Variants in PKD2L1 observed in about 807,000 individuals in gnomAD.
The protein encoded by PKD2L1 is polycystin-2-like protein 1.
Under a neutral mutation model 93.0 loss-of-function variants are expected in PKD2L1, and 77 were observed. That is an observed-to-expected ratio of 0.83 (90% CI 0.69 to 1.00). The LOEUF (loss-of-function observed/expected upper bound fraction) is 1.00. PKD2L1 is among the 50% of genes least tolerant of loss of function. PKD2L1 has a pLI of 0.00. For missense variants in PKD2L1, 977 were observed against 990.9 expected (o/e 0.99, Z 0.19); for synonymous variants, 390 against 388.0 (o/e 1.01, Z -0.06).
intron 9 of PKD2L1, among the ~76,000 whole-genome samples, chr10:100,294,222 G>A (rs1848468541): frequency 6.6e-6 from 1 of 152,130 alleles, no homozygotes; most frequent in African/African-American, 2.4e-5. Context: ...GAGTCTTGGA[G>A]GACGGTCGTA....
intron 2 of PKD2L1, among the ~76,000 whole-genome samples, chr10:100,320,897 G>A (rs1849212267): frequency 6.6e-6 from 1 of 152,108 alleles, no homozygotes; most frequent in Non-Finnish European, 1.5e-5. Flanking sequence ...TTTTGCCCTC[G>A]TGGTAATCTC....
At chr10:100,323,886 G>A (rs1288085049) in intron 2 of PKD2L1, among the ~76,000 whole-genome samples, 1 of 152,022 alleles carries the variant, frequency 6.6e-6, no homozygotes, top group Non-Finnish European at 1.5e-5. Flanking sequence ...GGAGGGCAGT[G>A]GCATGATCTC....
chr10:100,302,707 A>T (rs1848710786), intron 2 of PKD2L1, among the ~76,000 whole-genome samples: 1 of 148,054 alleles, frequency 6.8e-6, no homozygotes, highest in African/African-American at 2.5e-5. Flanking sequence ...AAAAAAAAAA[A>T]TTGTTCCAGG....
In PKD2L1 at chr10:100,291,298, C is replaced by G; in HGVS notation, c.2007+3G>C. On this transcript the variant is annotated splice_donor_region_variant and intron_variant, in intron 12 of 15. Transcript: ENST00000318222. ...TGCCTCTCCACCCATCAGCCCAGCT[C>G]ACCCTCTCTTCCTCCAGGTCCTGTC... is the stretch of plus-strand genomic sequence containing the variant. 1 of 1,613,268 alleles carries G rather than the reference C, an allele frequency of 6.2e-7. No homozygotes were observed. The highest frequency in any genetic ancestry group is 8.5e-7 in the Non-Finnish European group (1 of 1,179,462).
intron 2 of PKD2L1, among the ~76,000 whole-genome samples, chr10:100,313,206 A>G (rs1848972607): frequency 1.3e-5 from 2 of 152,180 alleles, no homozygotes; most frequent in Non-Finnish European, 2.9e-5. Flanking sequence ...CTAAAGCTAC[A>G]AAGAGTATAC....
rs146450363 is a variant in PKD2L1 at position 100,289,001 on chromosome 10, G to T, written c.2306C>A (p.Pro769His). The T allele has an allele frequency of 6.2e-7, 1 of 1,611,540 alleles. No individual in the cohort carries two copies. The highest frequency in any genetic ancestry group is 8.5e-7 in the Non-Finnish European group (1 of 1,178,378). ...PQPAPAVTPD[P>H]WGVQGGQESE... is the part of the protein sequence containing the mutation. Reference sequence around the variant, plus strand: ...CTCCTGCCCACCCTGGACTCCCCAGGGGTCTGGGGTCACAGCTGGGGCTGG... The same window carrying T: ...CTCCTGCCCACCCTGGACTCCCCAGTGGTCTGGGGTCACAGCTGGGGCTGG... Residue 769 changes from proline to histidine, a missense_variant, in exon 15 of 16, where the codon CCC (proline) becomes CAC (histidine). Transcript: ENST00000318222.
At chr10:100,308,197 CAAT>C (rs1376542604) in intron 2 of PKD2L1, among the ~76,000 whole-genome samples, 1 of 151,946 alleles carries the variant, frequency 6.6e-6, no homozygotes, top group African/African-American at 2.4e-5. Context: ...CACAATTGCT[CAAT>C]AATAACAACA....
Position 100,297,612 on chromosome 10 carries a change from A to G in PKD2L1, c.732-6T>C. On this transcript the variant is annotated splice_polypyrimidine_tract_variant and splice_region_variant and intron_variant, in intron 4 of 15. Coordinates refer to ENST00000318222, the MANE Select transcript of PKD2L1 (RefSeq NM_016112.3). ...CCTGCGAGTGGTATGTCCACCTGCC[A>G]CAGAAAATGCCAGCTGAGCCAGCCC... is the stretch of plus-strand genomic sequence containing the variant. 1 of 1,609,962 alleles carries G rather than the reference A, an allele frequency of 6.2e-7. No individual in the cohort carries two copies. Among genetic ancestry groups the G allele is most frequent in the East Asian group, 2.2e-5 (1 of 44,806 alleles).
Position 100,288,439 on chromosome 10 carries a change from C to G in PKD2L1, c.2375G>C (p.Arg792Thr), listed in dbSNP as rs1274453980. 1 of 1,613,046 alleles carries G rather than the reference C, an allele frequency of 6.2e-7. No individual in the cohort carries two copies. The highest frequency in any genetic ancestry group is 1.3e-5 in the African/African-American group (1 of 74,994). Residue 792 changes from arginine to threonine, a missense_variant, in exon 16 of 16, where the codon AGG becomes ACG. By Grantham distance (71) the Arg-to-Thr change is moderately conservative. Transcript: ENST00000318222. Reference protein sequence around the residue: ...YKREEEALEERRLSRGEIPTL... With the variant: ...YKREEEALEETRLSRGEIPTL... ...TGGAATCTCACCACGGGAGAGTCTC[C>G]TCTCCTCTAAGGCTTCCTCTTCTCT...
Position 100,293,282 on chromosome 10 carries a change from TG to T in PKD2L1, c.1756del (p.Gln586ArgfsTer8). ...DELQLSDLLK[Q>X]GYNKTLLRLR... is the part of the protein sequence containing the mutation. Reference sequence around the variant, plus strand: ...AGCTCAAGGAGATTGAGCAATCACCTGTTTCAGGAGGTCAGAAAGTTGCAGC... The same window carrying T: ...AGCTCAAGGAGATTGAGCAATCACCTTTTCAGGAGGTCAGAAAGTTGCAGC... On this transcript the variant is annotated frameshift_variant and splice_region_variant, in exon 10 of 16. Coordinates refer to ENST00000318222, the MANE Select transcript of PKD2L1 (RefSeq NM_016112.3). LOFTEE classifies it high-confidence loss of function. 6.2e-7 allele frequency: 1 copy of T among 1,605,968 alleles called. No individual in the cohort carries two copies. The highest frequency in any genetic ancestry group is 8.5e-7 in the Non-Finnish European group (1 of 1,172,518).
intron 6 of PKD2L1, 29 bp downstream of exon 6, chr10:100,296,951 G>T: frequency 6.7e-7 from 1 of 1,482,272 alleles, no homozygotes; most frequent in Non-Finnish European, 9.4e-7. Context: ...ACCCCAGAAT[G>T]TCCCAAGTCC....
rs1028280082 is a variant in PKD2L1, at chr10:100,330,145, C to T, written c.-42G>A. On this transcript the variant is annotated 5_prime_UTR_variant, in exon 1 of 16. Transcript: ENST00000318222. ...GGGCCCGGTACCCCAGGTGCCCACT[C>T]TCAGCTAGAGGAAGAGGGAGCAGAG... 1.5e-6 allele frequency: 2 copies of T among 1,305,134 alleles called. No individual in the cohort carries two copies. Among genetic ancestry groups the T allele is most frequent in the African/African-American group, 2.9e-5 (2 of 68,166 alleles). The allele number at this position is 1,305,134 out of a possible 1,614,324, so 80.8% of individuals were successfully genotyped here.
At chr10:100,311,274 G>A (rs1194506132) in intron 2 of PKD2L1, among the ~76,000 whole-genome samples, 1 of 152,046 alleles carries the variant, frequency 6.6e-6, no homozygotes, top group South Asian at 2.1e-4. Flanking sequence ...TCTGGTACAC[G>A]TTTTTTTCCT....
rs780842636 is a variant in PKD2L1, at chr10:100,329,309, G to A, written c.251C>T (p.Thr84Ile). The change falls in exon 2 of 16, where the codon ACC becomes ATC. Residue 84 changes from threonine to isoleucine, a missense_variant. By Grantham distance (89) the Thr-to-Ile change is moderately conservative (BLOSUM62 -1). Coordinates refer to ENST00000318222, the MANE Select transcript of PKD2L1 (RefSeq NM_016112.3). ...GTTCTCAGCTGTGTTCTCAGTCAGG[G>A]TTGTTCCCCAAAGTCCTAAGGGGCA... ...CQGIRGLWGT[T>I]LTENTAENRE... 152 of 1,614,172 alleles carry A rather than the reference G, an allele frequency of 9.4e-5. No individual in the cohort carries two copies. In the South Asian group the frequency reaches 1.5e-3, roughly 16 times the overall value.
chr10:100,289,998 G>A lies in PKD2L1; in HGVS notation c.2250+17C>T, dbSNP rs1848368337. 6.2e-7 allele frequency: 1 copy of A among 1,614,104 alleles called. No homozygotes were observed. The highest frequency in any genetic ancestry group is 1.1e-5 in the South Asian group (1 of 91,080). On this transcript the variant is annotated intron_variant, in intron 14 of 15. Coordinates refer to ENST00000318222, the MANE Select transcript of PKD2L1 (RefSeq NM_016112.3). Reference sequence around the variant, plus strand: ...CAGCTGTGAGGAACTAGGAGGACCAGGTGAAGGGCCACTCACCACGCCTGG... The same window carrying A: ...CAGCTGTGAGGAACTAGGAGGACCAAGTGAAGGGCCACTCACCACGCCTGG...
intron 2 of PKD2L1, among the ~76,000 whole-genome samples, chr10:100,307,081 T>C (rs992438994): frequency 6.6e-6 from 1 of 152,018 alleles, no homozygotes; most frequent in African/African-American, 2.4e-5. Context: ...ACATATCCAT[T>C]TCATCATCAC....
chr10:100,295,071 A>G lies in PKD2L1; in HGVS notation c.1409T>C (p.Leu470Pro). Reference protein sequence around the residue: ...NKTMTQLSSTLARCAKDILGF... With the variant: ...NKTMTQLSSTPARCAKDILGF... ...CAGGATGTCCTTGGCACAGCGGGCC[A>G]GCGTGGAGGAGAGCTGGGTCATGGT... Residue 470 changes from leucine to proline, a missense_variant, in exon 8 of 16, where the codon CTG (leucine) becomes CCG (proline). Coordinates refer to ENST00000318222, the MANE Select transcript of PKD2L1 (RefSeq NM_016112.3). 2 of 1,614,220 alleles carry G rather than the reference A, an allele frequency of 1.2e-6. No homozygotes were observed. The highest frequency in any genetic ancestry group is 1.7e-6 in the Non-Finnish European group (2 of 1,180,024).
At chr10:100,311,760 T>C (rs1186288456) in intron 2 of PKD2L1, among the ~76,000 whole-genome samples, 1 of 152,222 alleles carries the variant, frequency 6.6e-6, no homozygotes, top group Non-Finnish European at 1.5e-5. Flanking sequence ...CCTCAACTTG[T>C]TGACAAAGAA....
At position 100,320,460 on chromosome 10, in the gene PKD2L1, G is replaced by C. The variant is rs138925602; in HGVS notation, c.349+8751C>G. Reference sequence around the variant, plus strand: ...AGGGCTTGTCCCCTGCCAAATTGCTGTGCAGGTGATGGCTAACTTTGTTGG... The same window carrying C: ...AGGGCTTGTCCCCTGCCAAATTGCTCTGCAGGTGATGGCTAACTTTGTTGG... On this transcript the variant is annotated intron_variant, in intron 2 of 15. Transcript: ENST00000318222. 3.3e-3 allele frequency among the ~76,000 whole-genome samples: 501 copies of C among 152,312 alleles called. 2 individuals are homozygous for C. Among genetic ancestry groups the C allele is most frequent in the African/African-American group, 0.011 (451 of 41,558 alleles).
Sources: allele counts gnomAD v4.1 joint callset (sites outside exome capture counted in the v4.1 genomes callset), GRCh38; gene constraint gnomAD v4.1.1; transcripts MANE v1.5; gene names NCBI Gene and HGNC (gene_info 2026-07-23, HGNC 2026-07-21).